KCNG3: variants seen among roughly 807,000 people sequenced by gnomAD.
KCNG3 encodes the protein voltage-gated potassium channel regulatory subunit KCNG3.
Under a neutral mutation model 29.0 loss-of-function variants are expected in KCNG3, and 15 were observed. The observed-to-expected ratio is 0.52, with a 90% CI of 0.35 to 0.80. KCNG3 has a LOEUF of 0.80. Among genes scored for constraint, KCNG3 ranks in the 30% least tolerant of loss-of-function variants. The pLI is 0.01. For missense variants in KCNG3, 512 were observed against 605.7 expected, an observed-to-expected ratio of 0.85 and a Z score of 1.62; for synonymous variants, 322 against 248.9, an observed-to-expected ratio of 1.29 and a Z score of -2.76.
At chr2:42,389,701 A>T in the KCNG3 span, among the ~76,000 whole-genome samples, 1 of 152,248 alleles carries the variant, frequency 6.6e-6, no homozygotes, top group African/African-American at 2.4e-5. Context: ...TAAGAAATTT[A>T]AATTGGTATG....
chr2:42,425,857 T>C, the KCNG3 span, among the ~76,000 whole-genome samples: 1 of 152,232 alleles, frequency 6.6e-6, no homozygotes, highest in Non-Finnish European at 1.5e-5. Context: ...CAGTAGTTTA[T>C]TGCAAAGTGA....
intron 1 of KCNG3, among the ~76,000 whole-genome samples, chr2:42,448,519 A>G (rs1447040021): frequency 6.6e-6 from 1 of 152,150 alleles, no homozygotes. Flanking sequence ...TCCAGAGTGG[A>G]AAGTTCAGAA....
At chr2:42,483,616 GACTT>G (rs1412037554) in intron 1 of KCNG3, among the ~76,000 whole-genome samples, 2 of 152,078 alleles carry the variant, frequency 1.3e-5, no homozygotes, top group African/African-American at 4.8e-5. Context: ...ACTGTAATGA[GACTT>G]AGACGACAAA....
intron 1 of KCNG3, among the ~76,000 whole-genome samples, chr2:42,475,625 C>T (rs918847310): frequency 4.7e-5 from 7 of 149,480 alleles, no homozygotes; most frequent in Non-Finnish European, 7.4e-5. Flanking sequence ...CTGCTGCGCC[C>T]GGTCTGAGAC....
intron 1 of KCNG3, among the ~76,000 whole-genome samples, chr2:42,454,700 G>A (rs1179245913): frequency 1.3e-5 from 2 of 149,148 alleles, no homozygotes; most frequent in African/African-American, 2.5e-5. Flanking sequence ...GCAAGACTCT[G>A]CCTCAAAAAA....
chr2:42,461,954 A>G (rs1673030485), intron 1 of KCNG3, among the ~76,000 whole-genome samples: 1 of 152,240 alleles, frequency 6.6e-6, no homozygotes, highest in South Asian at 2.1e-4. Flanking sequence ...ATGAATTTCA[A>G]CAAATGATAT....
chr2:42,464,458 T>C lies in KCNG3; in HGVS notation c.666-19879A>G, dbSNP rs192897253. Among the ~76,000 whole-genome samples, 19 of 152,322 alleles carry C rather than the reference T, an allele frequency of 1.2e-4. No homozygotes were observed. The East Asian group carries it at 2.3e-3, about 19-fold the overall frequency. The stretch of plus-strand genomic sequence containing the variant: ...ACAATAAGCTAAGTGTTTTAGTCTA[T>C]AGTCATGAATACAAAAACATTCGCA... On this transcript the variant is annotated intron_variant, in intron 1 of 1. Coordinates refer to ENST00000306078, the MANE Select transcript of KCNG3 (RefSeq NM_133329.6).
At chr2:42,421,286 C>G in the KCNG3 span, among the ~76,000 whole-genome samples, 2 of 152,160 alleles carry the variant, frequency 1.3e-5, no homozygotes, top group Non-Finnish European at 2.9e-5. Flanking sequence ...TATAAGGCTG[C>G]TGTTCTGGTA....
chr2:42,436,167 T>C, the KCNG3 span, among the ~76,000 whole-genome samples: 1 of 152,196 alleles, frequency 6.6e-6, no homozygotes, highest in Non-Finnish European at 1.5e-5. Flanking sequence ...ATTCCATTTA[T>C]ATGAAATGTC....
At chr2:42,405,641 T>G in the KCNG3 span, among the ~76,000 whole-genome samples, 1 of 151,882 alleles carries the variant, frequency 6.6e-6, no homozygotes, top group Non-Finnish European at 1.5e-5. Context: ...AGAGTCTCAC[T>G]CTGTCGCCCA....
the KCNG3 span, among the ~76,000 whole-genome samples, chr2:42,404,292 T>C: frequency 0.031 from 4,268 of 139,442 alleles, 88 homozygotes; most frequent in Non-Finnish European, 0.048. Flanking sequence ...CAGTTGTGCC[T>C]GATACAAGGA....
rs184341146 is a variant in KCNG3, at chr2:42,449,718, T to C, written c.666-5139A>G. On this transcript the variant is annotated intron_variant, in intron 1 of 1. Transcript: ENST00000306078. ...CACCCGCCTTGGCCTCCCAGAGTGC[T>C]GGAATTAAAGGCATGAGCCACCGCA... 1.8e-4 allele frequency among the ~76,000 whole-genome samples: 27 copies of C among 152,232 alleles called. No homozygotes were observed. In the East Asian group the frequency reaches 3.7e-3, roughly 21 times the overall value.
the KCNG3 span, among the ~76,000 whole-genome samples, chr2:42,409,163 G>C: frequency 1.3e-5 from 2 of 152,072 alleles, no homozygotes; most frequent in African/African-American, 4.8e-5. Context: ...CTGGCAGCAA[G>C]AACCAAATGC....
chr2:42,429,691 T>C, the KCNG3 span, among the ~76,000 whole-genome samples: 2 of 152,058 alleles, frequency 1.3e-5, no homozygotes, highest in African/African-American at 4.8e-5. Flanking sequence ...AAAGGCTGCT[T>C]CCCCCAGGGC....
chr2:42,394,048 T>C, the KCNG3 span, among the ~76,000 whole-genome samples: 6 of 152,202 alleles, frequency 3.9e-5, no homozygotes, highest in East Asian at 9.6e-4. Context: ...CCCAAAGTGC[T>C]GGGATTACAG....
the KCNG3 span, among the ~76,000 whole-genome samples, chr2:42,430,521 A>C: frequency 6.6e-6 from 1 of 151,904 alleles, no homozygotes; most frequent in African/African-American, 2.4e-5. Context: ...ATGCCAAGGC[A>C]GGAAGATCAC....
chr2:42,467,924 T>C (rs563255819), intron 1 of KCNG3, among the ~76,000 whole-genome samples: 9 of 150,888 alleles, frequency 6.0e-5, no homozygotes, highest in African/African-American at 2.2e-4. Flanking sequence ...TGAGCCATTA[T>C]CATGCCACTG....
At chr2:42,398,686 C>T in the KCNG3 span, among the ~76,000 whole-genome samples, 1 of 152,184 alleles carries the variant, frequency 6.6e-6, no homozygotes, top group Non-Finnish European at 1.5e-5. Context: ...AACATGCACA[C>T]AAAGATGCGA....
the KCNG3 span, among the ~76,000 whole-genome samples, chr2:42,432,750 A>G: frequency 2.0e-5 from 3 of 152,182 alleles, no homozygotes; most frequent in Non-Finnish European, 4.4e-5. Context: ...CATTAAATAT[A>G]TACCAATTGA....
Sources: allele counts gnomAD v4.1 joint callset (sites outside exome capture counted in the v4.1 genomes callset), GRCh38; gene constraint gnomAD v4.1.1; transcripts MANE v1.5; gene names NCBI Gene and HGNC (gene_info 2026-07-23, HGNC 2026-07-21).